Variants in RUFY3 observed in about 807,000 individuals in gnomAD.
RUFY3 encodes RUN and FYVE domain containing 3.
In RUFY3, 34 loss-of-function variants were observed where a neutral mutation model predicts 84.0. The observed-to-expected ratio is 0.40, with a 90% CI of 0.31 to 0.54. The LOEUF is 0.54. RUFY3 is among the 20% of genes least tolerant of loss of function. The pLI is 0.39. For synonymous variants in RUFY3, 242 were observed against 252.9 expected, an observed-to-expected ratio of 0.96 and a Z score of 0.41; for missense variants, 507 against 736.8, an observed-to-expected ratio of 0.69 and a Z score of 3.61.
chr4:70,807,351 A>C lies in RUFY3; in HGVS notation c.*692A>C, dbSNP rs1732946311. ...TTTTCTACTTTATGACTTCAAAGTA[A>C]ATAACTGCCCTTTTCAGAATCTCCT... On this transcript the variant is annotated 3_prime_UTR_variant, in exon 18 of 18. Coordinates refer to ENST00000381006, the MANE Select transcript of RUFY3 (RefSeq NM_001037442.4). 6.6e-6 allele frequency: 1 copy of C among 152,236 alleles called. No individual in the cohort carries two copies. 9.4% of individuals were successfully genotyped at this position (152,236 alleles called of 1,614,324 possible).
At chr4:70,705,031 G>A in exon 1 of RUFY3, 1 of 1,223,280 alleles carries the variant, frequency 8.2e-7, no homozygotes, top group Non-Finnish European at 1.0e-6. Context: ...GAGCCGCGCC[G>A]CGCTCCCGCC....
At chr4:70,756,476 C>G (rs6837291) in intron 1 of RUFY3, among the ~76,000 whole-genome samples, 10,633 of 152,248 alleles carry the variant, frequency 0.07, 588 homozygotes, top group East Asian at 0.2. Context: ...TCTCTTGTCT[C>G]ATCTCTAATA....
intron 16 of RUFY3, among the ~76,000 whole-genome samples, chr4:70,803,925 G>A (rs1732555283): frequency 6.8e-6 from 1 of 147,560 alleles, no homozygotes; most frequent in South Asian, 2.2e-4. Context: ...GGTAGAGATG[G>A]AGTTTTGCCA....
chr4:70,705,960 A>G (rs1303928771), intron 1 of RUFY3, among the ~76,000 whole-genome samples: 3 of 152,200 alleles, frequency 2.0e-5, no homozygotes, highest in African/African-American at 7.2e-5. Context: ...GCTACCTCCC[A>G]GGGTTATATC....
At chr4:70,723,720 G>A (rs763716460) in intron 1 of RUFY3, among the ~76,000 whole-genome samples, 4 of 152,184 alleles carry the variant, frequency 2.6e-5, no homozygotes, top group Admixed American at 6.5e-5. Context: ...TGCATATGAG[G>A]AGAAATTCTT....
intron 15 of RUFY3, among the ~76,000 whole-genome samples, chr4:70,800,614 T>C (rs2148818707): frequency 6.6e-6 from 1 of 152,358 alleles, no homozygotes; most frequent in East Asian, 1.9e-4. Flanking sequence ...CTGGGCGCAG[T>C]GGCTCACGCC....
At chr4:70,715,166 G>A (rs950480913) in intron 1 of RUFY3, among the ~76,000 whole-genome samples, 1 of 152,182 alleles carries the variant, frequency 6.6e-6, no homozygotes, top group Non-Finnish European at 1.5e-5. Context: ...TTCTGGGAAA[G>A]GAGGTGGGAG....
intron 8 of RUFY3, among the ~76,000 whole-genome samples, chr4:70,780,474 A>G (rs1027880652): frequency 1.3e-5 from 2 of 152,022 alleles, no homozygotes; most frequent in African/African-American, 2.4e-5. Context: ...TTGTATTTTT[A>G]TAGAAACAGA....
At chr4:70,755,883 G>A (rs967445283) in intron 1 of RUFY3, among the ~76,000 whole-genome samples, 2 of 151,724 alleles carry the variant, frequency 1.3e-5, no homozygotes, top group Admixed American at 6.6e-5. Flanking sequence ...CCTGGGAGGC[G>A]GAACTTGCAG....
upstream of RUFY3, among the ~76,000 whole-genome samples, chr4:70,718,196 T>C (rs1353810851): frequency 6.6e-6 from 1 of 152,172 alleles, no homozygotes; most frequent in Non-Finnish European, 1.5e-5. Flanking sequence ...TACATGGCAT[T>C]TGTAAAGCAC....
chr4:70,786,460 A>T (rs1729832965), intron 10 of RUFY3, among the ~76,000 whole-genome samples: 1 of 151,734 alleles, frequency 6.6e-6, no homozygotes, highest in Admixed American at 6.6e-5. Flanking sequence ...AATTTAATAT[A>T]CTCATGTAGT....
At chr4:70,735,315 A>G (rs773897814) in intron 1 of RUFY3, among the ~76,000 whole-genome samples, 7 of 152,176 alleles carry the variant, frequency 4.6e-5, no homozygotes, top group Non-Finnish European at 8.8e-5. Flanking sequence ...TGTGACTACT[A>G]TGAAGTGCTT....
chr4:70,749,527 T>G (rs1476961830), intron 1 of RUFY3, among the ~76,000 whole-genome samples: 1 of 151,752 alleles, frequency 6.6e-6, no homozygotes, highest in East Asian at 1.9e-4. Context: ...AAAAGGGTTT[T>G]TTTTTTTTTT....
chr4:70,711,064 GAAAAA>G (rs950005722), intron 1 of RUFY3, among the ~76,000 whole-genome samples: 228 of 54,080 alleles, frequency 4.2e-3, no homozygotes, highest in Non-Finnish European at 6.1e-3. Context: ...ACTCCGTCTG[GAAAAA>G]AAAAAAAAAA....
chr4:70,804,761 C>CAA (rs1186156048), intron 17 of RUFY3, among the ~76,000 whole-genome samples: 3,496 of 76,794 alleles, frequency 0.046, 97 homozygotes, highest in South Asian at 0.096. Context: ...ACTAAAAATA[C>CAA]AAAAAAAAAA....
chr4:70,714,389 A>G (rs1412758818), intron 1 of RUFY3, among the ~76,000 whole-genome samples: 2 of 152,252 alleles, frequency 1.3e-5, no homozygotes, highest in African/African-American at 4.8e-5. Flanking sequence ...CATTTATAAC[A>G]GACATTAAGA....
intron 1 of RUFY3, among the ~76,000 whole-genome samples, chr4:70,715,559 C>G (rs541216650): frequency 4.3e-5 from 6 of 140,488 alleles, no homozygotes; most frequent in Non-Finnish European, 7.7e-5. Flanking sequence ...GCCACTGCAC[C>G]CTAACCCGGG....
At chr4:70,764,274 T>C (rs987178203) in intron 3 of RUFY3, among the ~76,000 whole-genome samples, 2 of 152,222 alleles carry the variant, frequency 1.3e-5, no homozygotes, top group Non-Finnish European at 2.9e-5. Context: ...AGTAATTCTT[T>C]TTGAAAGCAT....
chr4:70,716,095 C>T (rs1360842894), intron 1 of RUFY3, among the ~76,000 whole-genome samples: 1 of 151,632 alleles, frequency 6.6e-6, no homozygotes, highest in Non-Finnish European at 1.5e-5. Context: ...GCCTGGGTGA[C>T]AGAGTGAGAC....
Sources: allele counts gnomAD v4.1 joint callset (sites outside exome capture counted in the v4.1 genomes callset), GRCh38; gene constraint gnomAD v4.1.1; transcripts MANE v1.5; gene names NCBI Gene and HGNC (gene_info 2026-07-23, HGNC 2026-07-21).